CSMD1: variants seen among roughly 807,000 people sequenced by gnomAD.
The protein encoded by CSMD1 is CUB and Sushi multiple domains 1, also known as CUB and sushi domain-containing protein 1.
A neutral mutation model predicts 417.5 loss-of-function variants in CSMD1; 213 were observed. The observed-to-expected ratio is 0.51, with a 90% CI of 0.46 to 0.57. The LOEUF (loss-of-function observed/expected upper bound fraction) is 0.57. Ranked by LOEUF, CSMD1 falls within the 20% of genes least tolerant of loss-of-function variation. CSMD1 has a pLI of 0.00. For synonymous variants in CSMD1, 2,862 were observed against 1,736.8 expected (o/e 1.65, Z -16.11); for missense variants, 6,923 against 4,529.7 (o/e 1.53, Z -15.17).
chr8:3,993,072 G>A (rs1814882305), intron 5 of CSMD1, among the ~76,000 whole-genome samples: 1 of 152,204 alleles, frequency 6.6e-6, no homozygotes, highest in South Asian at 2.1e-4. Flanking sequence ...AAAAGGCAGA[G>A]GAAATCAAAC....
chr8:3,439,305 ATATAT>A (rs1298178537), intron 12 of CSMD1, among the ~76,000 whole-genome samples: 25 of 41,198 alleles, frequency 6.1e-4, no homozygotes, highest in Admixed American at 3.6e-3. Flanking sequence ...ATATATATAT[ATATAT>A]TTTTTTTTTT....
chr8:4,893,526 GAAT>G (rs558802395), intron 1 of CSMD1, among the ~76,000 whole-genome samples: 17 of 152,174 alleles, frequency 1.1e-4, no homozygotes, highest in Middle Eastern at 3.4e-3. Flanking sequence ...TACCCACTTT[GAAT>G]AATAATTTTA....
intron 3 of CSMD1, among the ~76,000 whole-genome samples, chr8:4,172,470 T>C: frequency 6.6e-6 from 1 of 152,048 alleles, no homozygotes; most frequent in Non-Finnish European, 1.5e-5. Context: ...ACAGACACTA[T>C]CTTATTCACA....
chr8:3,389,992 T>C (rs1465782268), intron 17 of CSMD1, among the ~76,000 whole-genome samples: 2 of 152,142 alleles, frequency 1.3e-5, no homozygotes, highest in East Asian at 1.9e-4. Flanking sequence ...TGATACTACA[T>C]TCGATTTCCA....
intron 5 of CSMD1, among the ~76,000 whole-genome samples, chr8:3,792,627 G>A (rs1024250873): frequency 2.0e-5 from 3 of 152,078 alleles, no homozygotes; most frequent in South Asian, 2.1e-4. Flanking sequence ...AATCATGACA[G>A]GCAGTAAGTT....
intron 3 of CSMD1, among the ~76,000 whole-genome samples, chr8:4,057,905 G>C (rs183064814): frequency 0.03 from 4,539 of 151,754 alleles, 219 homozygotes; most frequent in African/African-American, 0.1. Flanking sequence ...CTCTGTTTTG[G>C]TACCAGTACC....
rs190934929 is a variant in CSMD1, at chr8:4,870,215, T to C, written c.85+124117A>G. Among the ~76,000 whole-genome samples, 204 of 152,262 alleles carry C rather than the reference T, an allele frequency of 1.3e-3. 1 individual carries two copies. The highest frequency in any genetic ancestry group is 7.5e-3 in the Admixed American group (114 of 15,300). On this transcript the variant is annotated intron_variant, in intron 1 of 69. Transcript: ENST00000635120. ...AAAATAACTGTTAATTCCCTGGTCC[T>C]TCTTCATCCCACAACTCAAAAGTAA... is the stretch of plus-strand genomic sequence containing the variant.
At chr8:4,180,757 C>A (rs1206099086) in intron 3 of CSMD1, among the ~76,000 whole-genome samples, 2 of 152,118 alleles carry the variant, frequency 1.3e-5, no homozygotes, top group African/African-American at 4.8e-5. Flanking sequence ...AGAATTCCTT[C>A]TTATCTAACA....
At chr8:3,341,164 T>C (rs1807616062) in intron 23 of CSMD1, among the ~76,000 whole-genome samples, 1 of 152,092 alleles carries the variant, frequency 6.6e-6, no homozygotes, top group Admixed American at 6.6e-5. Flanking sequence ...GGGCTGAGCC[T>C]CGCCCACTGA....
At chr8:4,910,134 A>C (rs1348497746) in intron 1 of CSMD1, among the ~76,000 whole-genome samples, 2 of 152,196 alleles carry the variant, frequency 1.3e-5, no homozygotes, top group African/African-American at 4.8e-5. Context: ...ATCAGTTTTA[A>C]TGTTATAATG....
At chr8:4,979,544 G>T (rs1255731951) in intron 1 of CSMD1, among the ~76,000 whole-genome samples, 3 of 144,590 alleles carry the variant, frequency 2.1e-5, no homozygotes, top group African/African-American at 7.3e-5. Context: ...TAAAGAAGGA[G>T]CTAGTTTTCA....
intron 37 of CSMD1, among the ~76,000 whole-genome samples, chr8:3,177,064 A>G (rs2129046060): frequency 6.6e-6 from 1 of 152,198 alleles, no homozygotes; most frequent in South Asian, 2.1e-4. Context: ...AAGCATGAGC[A>G]ACCATGCCCA....
At chr8:4,058,175 G>A (rs2130726266) in intron 3 of CSMD1, among the ~76,000 whole-genome samples, 1 of 152,216 alleles carries the variant, frequency 6.6e-6, no homozygotes. Context: ...AGCATGGAAT[G>A]TTCTTCCATT....
intron 8 of CSMD1, among the ~76,000 whole-genome samples, chr8:3,608,145 G>A (rs1479148493): frequency 2.1e-5 from 3 of 145,458 alleles, no homozygotes; most frequent in African/African-American, 7.7e-5. Context: ...CTGCCCTCCA[G>A]CCTGGGCAAC....
At chr8:4,470,435 C>G (rs998859321) in intron 2 of CSMD1, among the ~76,000 whole-genome samples, 17 of 152,206 alleles carry the variant, frequency 1.1e-4, no homozygotes, top group Admixed American at 1.1e-3. Flanking sequence ...AGTGATAGTG[C>G]TGCTATGTAG....
chr8:4,505,435 C>G (rs1221738217), intron 2 of CSMD1, among the ~76,000 whole-genome samples: 2 of 152,016 alleles, frequency 1.3e-5, no homozygotes, highest in Non-Finnish European at 2.9e-5. Context: ...AACAAAATAT[C>G]TCGATTTAAA....
At chr8:4,082,668 G>A (rs1349595695) in intron 3 of CSMD1, among the ~76,000 whole-genome samples, 1 of 150,620 alleles carries the variant, frequency 6.6e-6, no homozygotes, top group Admixed American at 6.6e-5. Flanking sequence ...CAATGTGCAG[G>A]TTAGTTACAT....
intron 3 of CSMD1, among the ~76,000 whole-genome samples, chr8:4,361,213 A>T (rs1443430129): frequency 1.3e-5 from 2 of 152,198 alleles, no homozygotes; most frequent in African/African-American, 4.8e-5. Flanking sequence ...ACTGGTTTTC[A>T]GTGGAATACC....
At chr8:3,402,459 A>G (rs1812094167) in intron 15 of CSMD1, among the ~76,000 whole-genome samples, 1 of 152,142 alleles carries the variant, frequency 6.6e-6, no homozygotes, top group African/African-American at 2.4e-5. Context: ...ACTGAGCTGC[A>G]TTGAGGAATA....
Sources: allele counts gnomAD v4.1 joint callset (sites outside exome capture counted in the v4.1 genomes callset), GRCh38; gene constraint gnomAD v4.1.1; transcripts MANE v1.5; gene names NCBI Gene and HGNC (gene_info 2026-07-23, HGNC 2026-07-21).